Variants in MGAM observed in about 807,000 individuals in gnomAD.
MGAM encodes alpha-1,4-glucosidase.
In MGAM, 253 loss-of-function variants were observed where a neutral mutation model predicts 358.8. That is an observed-to-expected ratio of 0.71 (90% confidence interval 0.64 to 0.78). The LOEUF is 0.78. Ranked by LOEUF, MGAM falls within the 30% of genes least tolerant of loss-of-function variation. MGAM has a pLI of 0.00. For synonymous variants in MGAM, 1,105 were observed against 1,227.1 expected (o/e 0.90, Z 2.08); for missense variants, 3,080 against 3,432.6 (o/e 0.90, Z 2.57).
upstream of MGAM, among the ~76,000 whole-genome samples, chr7:141,994,266 GC>G (rs1804077795): frequency 6.6e-6 from 1 of 152,204 alleles, no homozygotes; most frequent in South Asian, 2.1e-4. Context: ...AATGAGAACA[GC>G]AGGCATTGCA....
intron 36 of MGAM, among the ~76,000 whole-genome samples, chr7:142,064,183 C>T (rs1156625330): frequency 1.3e-5 from 2 of 152,226 alleles, no homozygotes; most frequent in Non-Finnish European, 2.9e-5. Context: ...CTGCTTCCTT[C>T]AGTGAACTTG....
rs528589448 is a variant in MGAM at position 142,078,327 on chromosome 7, A to G, written c.5503A>G (p.Ile1835Val). The G allele has an allele frequency of 2.0e-6, 3 of 1,479,440 alleles. 1 individual carries two copies. The highest frequency in any genetic ancestry group is 1.4e-5 in the African/African-American group (1 of 73,218). 91.6% of individuals were successfully genotyped at this position (1,479,440 alleles called of 1,614,324 possible). ...TTCTGCATTCCTACAGGTCGCCATT[A>G]TCACAGACATCAATCTTTTCCTGGG... ...TYDSNLKVAI[I>V]TDINLFLGEA... Residue 1835 changes from isoleucine (I) to valine (V), a missense_variant, in exon 48 of 71, where the codon ATC becomes GTC. Coordinates refer to ENST00000475668, the MANE Select transcript of MGAM (RefSeq NM_001365693.1).
chr7:142,093,976 A>G (rs1815648354), intron 60 of MGAM, among the ~76,000 whole-genome samples: 1 of 146,032 alleles, frequency 6.8e-6, no homozygotes, highest in Non-Finnish European at 1.6e-5. Flanking sequence ...TTGGTATTCC[A>G]CTGAATTAGC....
intron 54 of MGAM, among the ~76,000 whole-genome samples, chr7:142,085,115 G>A (rs1814636454): frequency 6.8e-6 from 1 of 146,606 alleles, no homozygotes; most frequent in Admixed American, 6.8e-5. Flanking sequence ...ATCACTGATG[G>A]AATACACGGA....
Position 142,040,176 on chromosome 7 carries a change from G to A in MGAM, c.2373+5G>A, listed in dbSNP as rs1584964662. ...GTCTGGTATGACTACGAGACTGTAA[G>A]TAGCTTTGACTTTTCTTCTACTCCT... is the stretch of plus-strand genomic sequence containing the variant. On this transcript the variant is annotated splice_donor_5th_base_variant and intron_variant, in intron 20 of 70. Transcript: ENST00000475668. The A allele has an allele frequency of 6.2e-7, 1 of 1,608,934 alleles. No individual in the cohort carries two copies. The highest frequency in any genetic ancestry group is 8.5e-7 in the Non-Finnish European group (1 of 1,176,200).
At chr7:142,022,462 T>C in intron 7 of MGAM, 23 bp downstream of exon 7, 1 of 1,605,148 alleles carries the variant, frequency 6.2e-7, no homozygotes, top group Non-Finnish European at 8.5e-7. Flanking sequence ...ATGGGCCCCT[T>C]TCCACTGAAT....
At position 142,042,719 on chromosome 7, in the gene MGAM, A is replaced by G. The variant is rs1563148806; in HGVS notation, c.2498+1873A>G. Among the ~76,000 whole-genome samples, 2 of 70,544 alleles carry G rather than the reference A, an allele frequency of 2.8e-5. 1 individual carries two copies. Among genetic ancestry groups the G allele is most frequent in the African/African-American group, 1.2e-4 (2 of 16,914 alleles). The allele number at this position is 70,544 out of a possible 152,430, so 46.3% of individuals were successfully genotyped here. Reference sequence around the variant, plus strand: ...TATAATATTATATATAATATATTACATATATTATATATACATATAATATCT... The same window carrying G: ...TATAATATTATATATAATATATTACGTATATTATATATACATATAATATCT... On this transcript the variant is annotated intron_variant, in intron 21 of 70. Coordinates refer to ENST00000475668, the MANE Select transcript of MGAM (RefSeq NM_001365693.1).
intron 21 of MGAM, among the ~76,000 whole-genome samples, chr7:142,042,607 A>G (rs1584978398): frequency 3.0e-5 from 1 of 32,838 alleles, no homozygotes; most frequent in East Asian, 1.1e-3. Context: ...TATATAATAT[A>G]TAATATATAT....
At chr7:142,075,553 A>C (rs1387815201) in intron 45 of MGAM, among the ~76,000 whole-genome samples, 1 of 146,636 alleles carries the variant, frequency 6.8e-6, no homozygotes, top group Non-Finnish European at 1.5e-5. Context: ...GAAGAGATTA[A>C]TATCAAAAAA....
intron 21 of MGAM, among the ~76,000 whole-genome samples, chr7:142,044,159 A>G (rs1212074936): frequency 4.2e-5 from 6 of 144,286 alleles, no homozygotes; most frequent in African/African-American, 1.5e-4. Context: ...CATACGACGT[A>G]TAATATATAC....
At chr7:142,023,986 C>A (rs2128997898) in intron 7 of MGAM, among the ~76,000 whole-genome samples, 1 of 152,240 alleles carries the variant, frequency 6.6e-6, no homozygotes, top group South Asian at 2.1e-4. Context: ...GTAATCCCAA[C>A]AGTTTGGGAG....
chr7:141,993,114 C>T (rs763062286), upstream of MGAM, among the ~76,000 whole-genome samples: 127 of 152,266 alleles, frequency 8.3e-4, no homozygotes, highest in Admixed American at 2.9e-3. Context: ...TACTGTGAAA[C>T]GACTGTGATA....
At chr7:142,050,468 G>A (rs1055950514) in intron 23 of MGAM, among the ~76,000 whole-genome samples, 184 bp downstream of exon 23, 1 of 152,186 alleles carries the variant, frequency 6.6e-6, no homozygotes, top group African/African-American at 2.4e-5. Context: ...TAATATAGCA[G>A]CTAGTGTTTC....
In MGAM at chr7:142,072,766, C is replaced by T. The variant is rs993689348; in HGVS notation, c.5187-1319C>T. Among the ~76,000 whole-genome samples the T allele has an allele frequency of 2.1e-5, 3 of 146,252 alleles. 1 individual carries two copies. Among genetic ancestry groups the T allele is most frequent in the South Asian group, 4.3e-4 (2 of 4,612 alleles). On this transcript the variant is annotated intron_variant, in intron 44 of 70. Coordinates refer to ENST00000475668, the MANE Select transcript of MGAM (RefSeq NM_001365693.1). ...CAGGAATTCCTTCCATCTGACATCA[C>T]GTTAACTTCCATCAAGGATCCCGGC...
intron 24 of MGAM, 141 bp downstream of exon 24, chr7:142,051,005 A>C: frequency 9.5e-7 from 1 of 1,053,738 alleles, no homozygotes; most frequent in Non-Finnish European, 1.4e-6. Flanking sequence ...GGCTGGGGAA[A>C]AAAATGAGGT....
chr7:142,050,254 G>C lies in MGAM; in HGVS notation c.2607G>C (p.Val869=). ...TTTCAGATACTGTGGCCAATAAAGT[G>C]TATCTTTTATGTGAGTTTTCTGTCA... The part of the protein sequence containing the change: ...GETKDTVANK[V]YLLCEFSVTQ... The change falls in exon 23 of 71, where the codon GTG becomes GTC. Residue 869 remains valine (V), a synonymous_variant. Transcript: ENST00000475668. 6.2e-7 allele frequency: 1 copy of C among 1,613,746 alleles called. No homozygotes were observed. The highest frequency in any genetic ancestry group is 8.5e-7 in the Non-Finnish European group (1 of 1,179,752).
At chr7:142,035,571 T>A (rs1255293799) in intron 16 of MGAM, among the ~76,000 whole-genome samples, 1 of 152,014 alleles carries the variant, frequency 6.6e-6, no homozygotes, top group Non-Finnish European at 1.5e-5. Flanking sequence ...TATTTTTTCA[T>A]CTGACTAATC....
At chr7:142,067,839 C>T (rs1812896764) in intron 42 of MGAM, among the ~76,000 whole-genome samples, 1 of 129,362 alleles carries the variant, frequency 7.7e-6, no homozygotes, top group Admixed American at 8.5e-5. Flanking sequence ...CCTTCCCTTC[C>T]TCTACAGGAG....
chr7:142,092,751 C>CTGG, intron 59 of MGAM, 143 bp downstream of exon 59: 1 of 818,568 alleles, frequency 1.2e-6, no homozygotes, highest in Admixed American at 2.8e-5. Context: ...GAGACAAAAG[C>CTGG]TCTGCACGCG....
Sources: allele counts gnomAD v4.1 joint callset (sites outside exome capture counted in the v4.1 genomes callset), GRCh38; gene constraint gnomAD v4.1.1; transcripts MANE v1.5; gene names NCBI Gene and HGNC (gene_info 2026-07-23, HGNC 2026-07-21).